Variants in UBR1 observed in about 807,000 individuals in gnomAD.
UBR1 encodes ubiquitin protein ligase E3 component n-recognin 1.
In UBR1, 102 loss-of-function variants were observed where a neutral mutation model predicts 242.1. The observed-to-expected ratio is 0.42, with a 90% CI of 0.36 to 0.50. The LOEUF (loss-of-function observed/expected upper bound fraction) is 0.50, where lower values mean the gene tolerates loss of function less well. Among genes scored for constraint, UBR1 ranks in the 20% least tolerant of loss-of-function variants. UBR1 has a pLI of 0.01. For synonymous variants in UBR1, 675 were observed against 684.8 expected, an observed-to-expected ratio of 0.99 and a Z score of 0.22; for missense variants, 1,772 against 2,101.8, an observed-to-expected ratio of 0.84 and a Z score of 3.07.
chr15:43,052,417 G>A (rs2033567928), intron 12 of UBR1, among the ~76,000 whole-genome samples: 1 of 152,164 alleles, frequency 6.6e-6, no homozygotes, highest in Admixed American at 6.5e-5. Context: ...ATATACAATA[G>A]GAAACTTTCT....
intron 45 of UBR1, 61 bp downstream of exon 45, chr15:42,952,217 C>T: frequency 6.2e-7 from 1 of 1,605,696 alleles, no homozygotes; most frequent in Non-Finnish European, 8.5e-7. Context: ...CATAGTGACC[C>T]CCAGATTGGA....
chr15:43,038,235 A>G lies in UBR1; in HGVS notation c.1850-3T>C. 2 of 1,614,000 alleles carry G rather than the reference A, an allele frequency of 1.2e-6. No homozygotes were observed. Among genetic ancestry groups the G allele is most frequent in the Non-Finnish European group, 1.7e-6 (2 of 1,179,890 alleles). ...CCTGCTTAAACGTACATGAAGACCT[A>G]AAGTTAAAAAAACGAGAGAGAAAAT... On this transcript the variant is annotated splice_region_variant and splice_polypyrimidine_tract_variant and intron_variant, in intron 15 of 46. Transcript: ENST00000290650.
At position 43,052,143 on chromosome 15, in the gene UBR1, G is replaced by A. The variant is rs76779167; in HGVS notation, c.1439+2599C>T. 4.6e-3 allele frequency among the ~76,000 whole-genome samples: 705 copies of A among 152,282 alleles called. 3 individuals are homozygous for A. Among genetic ancestry groups the A allele is most frequent in the South Asian group, 0.014 (70 of 4,828 alleles). On this transcript the variant is annotated intron_variant, in intron 12 of 46. Transcript: ENST00000290650. ...CTAGGCAGATCTCAGTTGGAGTACT[G>A]TGTTCATTTCTTGGCACATAAATGG...
chr15:43,086,386 T>TA, intron 1 of UBR1, 146 bp from the exon 2 acceptor site: 1 of 829,044 alleles, frequency 1.2e-6, no homozygotes, highest in Non-Finnish European at 1.7e-6. Context: ...AGTGGGTGAT[T>TA]AAAAAAATTA....
intron 29 of UBR1, 48 bp from the exon 30 acceptor site, chr15:43,007,332 G>C: frequency 6.4e-7 from 1 of 1,569,482 alleles, no homozygotes. Context: ...TTGGTCACTT[G>C]TCTTCATATT....
intron 33 of UBR1, 48 bp from the exon 34 acceptor site, chr15:42,990,168 T>G: frequency 7.7e-7 from 1 of 1,291,038 alleles, no homozygotes; most frequent in South Asian, 1.3e-5. Context: ...ATGAGTTTAG[T>G]CTGACATACA....
At chr15:43,104,842 A>C (rs1195616958) in intron 1 of UBR1, among the ~76,000 whole-genome samples, 1 of 152,032 alleles carries the variant, frequency 6.6e-6, no homozygotes, top group Non-Finnish European at 1.5e-5. Context: ...TCTAATAAAA[A>C]TAAAAATAAA....
intron 22 of UBR1, among the ~76,000 whole-genome samples, chr15:43,027,133 T>C (rs2033188863): frequency 1.3e-5 from 2 of 152,238 alleles, no homozygotes; most frequent in Middle Eastern, 3.4e-3. Flanking sequence ...GGAAAATCAC[T>C]GAGGTCAAAA....
intron 11 of UBR1, among the ~76,000 whole-genome samples, chr15:43,055,428 G>C (rs2033605305): frequency 6.6e-6 from 1 of 151,790 alleles, no homozygotes; most frequent in Non-Finnish European, 1.5e-5. Context: ...GAGTGACAGA[G>C]AGAGACTTCA....
At chr15:42,999,590 G>T (rs573621750) in intron 32 of UBR1, among the ~76,000 whole-genome samples, 3 of 152,332 alleles carry the variant, frequency 2.0e-5, no homozygotes, top group South Asian at 4.1e-4. Flanking sequence ...TACTTTGAGA[G>T]GCTGAGGTGA....
chr15:43,046,954 C>A (rs2033494280), intron 14 of UBR1, among the ~76,000 whole-genome samples: 1 of 151,994 alleles, frequency 6.6e-6, no homozygotes, highest in Non-Finnish European at 1.5e-5. Context: ...CTGCTATTCC[C>A]CAAAATAAGC....
chr15:43,053,850 T>C (rs1302600870), intron 12 of UBR1, among the ~76,000 whole-genome samples: 5 of 145,896 alleles, frequency 3.4e-5, no homozygotes, highest in Non-Finnish European at 6.0e-5. Flanking sequence ...TTTTTTGAGA[T>C]GCAGTCTCAC....
chr15:42,971,175 C>T (rs760484177), intron 39 of UBR1, among the ~76,000 whole-genome samples: 1 of 152,080 alleles, frequency 6.6e-6, no homozygotes, highest in Non-Finnish European at 1.5e-5. Context: ...CATAATATGA[C>T]CATGGAAATA....
Position 42,943,483 on chromosome 15 carries a change from T to G in UBR1, c.*1846A>C, listed in dbSNP as rs1330100331. On this transcript the variant is annotated 3_prime_UTR_variant, in exon 47 of 47. Transcript: ENST00000290650. Reference sequence around the variant, plus strand: ...TCAATCAGTGGAACGCAATATGAAATGGGTTCTTTGGCAGTAAAGGTCTGG... The same window carrying G: ...TCAATCAGTGGAACGCAATATGAAAGGGGTTCTTTGGCAGTAAAGGTCTGG... The G allele has an allele frequency of 1.3e-5, 2 of 152,582 alleles. No individual in the cohort carries two copies. The highest frequency in any genetic ancestry group is 2.9e-5 in the Non-Finnish European group (2 of 68,042). 9.5% of individuals were successfully genotyped at this position (152,582 alleles called of 1,614,324 possible). A position where few individuals can be genotyped will look rare whatever the true frequency, so the allele number is the denominator to read the frequency against.
chr15:43,015,069 G>A (rs976650307), intron 29 of UBR1, among the ~76,000 whole-genome samples: 6 of 150,630 alleles, frequency 4.0e-5, no homozygotes, highest in Admixed American at 1.3e-4. Flanking sequence ...GAGGTGGGGG[G>A]CACCTCGGCC....
chr15:43,096,777 A>T (rs2034167184), intron 1 of UBR1, among the ~76,000 whole-genome samples: 1 of 152,224 alleles, frequency 6.6e-6, no homozygotes, highest in African/African-American at 2.4e-5. Context: ...ACAGCAATTC[A>T]GTCATAACTT....
intron 41 of UBR1, among the ~76,000 whole-genome samples, chr15:42,965,670 T>C (rs143455945): frequency 0.028 from 4,268 of 152,270 alleles, 200 homozygotes; most frequent in African/African-American, 0.091. Context: ...TTTCACCATG[T>C]TGGCCTTGCT....
At chr15:43,067,389 T>C (rs2033768094) in intron 6 of UBR1, among the ~76,000 whole-genome samples, 1 of 152,240 alleles carries the variant, frequency 6.6e-6, no homozygotes, top group African/African-American at 2.4e-5. Flanking sequence ...AATGTCATGC[T>C]ATTTCTTACT....
chr15:43,051,638 A>C (rs2033557265), intron 12 of UBR1, among the ~76,000 whole-genome samples: 1 of 152,218 alleles, frequency 6.6e-6, no homozygotes, highest in Admixed American at 6.5e-5. Context: ...TTAAAATCTG[A>C]GAAGCACTGA....
Sources: allele counts gnomAD v4.1 joint callset (sites outside exome capture counted in the v4.1 genomes callset), GRCh38; gene constraint gnomAD v4.1.1; transcripts MANE v1.5; gene names NCBI Gene and HGNC (gene_info 2026-07-23, HGNC 2026-07-21).